SPPL2B: variants seen among roughly 807,000 people sequenced by gnomAD.
SPPL2B encodes signal peptide peptidase like 2B, also known as signal peptide peptidase-like 2B.
SPPL2B carries 39 observed loss-of-function variants against 59.7 expected under a neutral mutation model. The ratio of observed to expected loss-of-function variants is 0.65; its 90% CI spans 0.51 to 0.85. The LOEUF is 0.85. Among genes scored for constraint, SPPL2B ranks in the 40% least tolerant of loss-of-function variants. The pLI, the probability that SPPL2B is intolerant of heterozygous loss-of-function variation, is 0.00. For missense variants in SPPL2B, 865 were observed against 849.0 expected (o/e 1.02, Z -0.23); for synonymous variants, 419 against 370.8 (o/e 1.13, Z -1.49).
chr19:2,332,487 G>A lies in SPPL2B; in HGVS notation c.67-2115G>A, dbSNP rs1241465842. The stretch of plus-strand genomic sequence containing the variant: ...GTTGTGGTGTCGGCCCGTTTGGTGC[G>A]CAGCTCAGCATCCGTTCAGACATGT... On this transcript the variant is annotated intron_variant, in intron 1 of 14. Coordinates refer to ENST00000613503, the MANE Select transcript of SPPL2B (RefSeq NM_152988.3). This position sits in a 1 kb window ranked among gnomAD's most constrained non-coding sequence, Gnocchi z 4.6. Among the ~76,000 whole-genome samples, 1 of 152,192 alleles carries A rather than the reference G, an allele frequency of 6.6e-6. No homozygotes were observed. The highest frequency in any genetic ancestry group is 1.5e-5 in the Non-Finnish European group (1 of 68,034).
intron 3 of SPPL2B, chr19:2,338,399 CAG>C: frequency 5.5e-6 from 1 of 181,752 alleles, no homozygotes; most frequent in South Asian, 1.5e-4. Flanking sequence ...GAGAGGCCCT[CAG>C]TGGGTGCGGG....
chr19:2,347,893 C>G (rs1969554970), intron 13 of SPPL2B, among the ~76,000 whole-genome samples: 3 of 39,186 alleles, frequency 7.7e-5, no homozygotes, highest in Non-Finnish European at 1.3e-4. Context: ...TCTCCACACA[C>G]ACTCACGCAC....
In SPPL2B at chr19:2,339,178, G is replaced by A; in HGVS notation, c.569G>A (p.Gly190Asp). 1.9e-6 allele frequency: 3 copies of A among 1,604,952 alleles called. No homozygotes were observed. The highest frequency in any genetic ancestry group is 2.6e-6 in the Non-Finnish European group (3 of 1,176,012). Reference protein sequence around the residue: ...IMAVGTVAIGGYWAGSRDVKK... With the variant: ...IMAVGTVAIGDYWAGSRDVKK... ...GCTGTGGGCACCGTCGCCATCGGCG[G>A]CTACTGGGCCGGGAGTCGGGACGTG... Residue 190 changes from glycine (G) to aspartate (D), a missense_variant, in exon 5 of 15, where the codon GGC becomes GAC. Transcript: ENST00000613503.
chr19:2,353,134 T>C lies in SPPL2B; in HGVS notation c.1704T>C (p.Pro568=). ...EMGAGAPMRE[P]GSPAESEGRD... is the part of the protein sequence containing the mutation. The stretch of plus-strand genomic sequence containing the variant: ...GGGCTGGAGCCCCCATGCGGGAGCC[T>C]GGGAGCCCAGCTGAATCCGAGGGCC... The change falls in exon 15 of 15, where the codon CCT becomes CCC. Residue 568 remains proline, a synonymous_variant. Transcript: ENST00000613503. 6.2e-7 allele frequency: 1 copy of C among 1,610,582 alleles called. No individual in the cohort carries two copies. The highest frequency in any genetic ancestry group is 8.5e-7 in the Non-Finnish European group (1 of 1,179,192).
At chr19:2,335,257 C>A (rs1247278020) in intron 2 of SPPL2B, among the ~76,000 whole-genome samples, 4 of 142,888 alleles carry the variant, frequency 2.8e-5, no homozygotes, top group Admixed American at 2.1e-4. Context: ...CCACTGCATC[C>A]TTCAGGCCCC....
intron 1 of SPPL2B, among the ~76,000 whole-genome samples, chr19:2,333,144 G>C (rs1235249633): frequency 1.0e-5 from 1 of 97,484 alleles, no homozygotes; most frequent in Non-Finnish European, 2.0e-5. Flanking sequence ...GGCTCTGCTG[G>C]GAGGGGGAGC....
chr19:2,331,664 C>T (rs996366760), intron 1 of SPPL2B, among the ~76,000 whole-genome samples: 1 of 152,152 alleles, frequency 6.6e-6, no homozygotes, highest in African/African-American at 2.4e-5. Context: ...TAGAGAGAAG[C>T]AGAGAAGCAG....
intron 2 of SPPL2B, among the ~76,000 whole-genome samples, chr19:2,335,844 G>A (rs1338198883): frequency 6.6e-6 from 1 of 152,260 alleles, no homozygotes; most frequent in Admixed American, 6.5e-5. Flanking sequence ...CTTCCTGTCA[G>A]CTTTATGCAT....
intron 13 of SPPL2B, among the ~76,000 whole-genome samples, chr19:2,348,657 T>G (rs1260802891): frequency 3.3e-5 from 4 of 121,088 alleles, no homozygotes; most frequent in Non-Finnish European, 6.7e-5. Context: ...CTTGATTCCG[T>G]TCTCTCTCCA....
At chr19:2,346,732 A>G (rs7249727) in intron 13 of SPPL2B, among the ~76,000 whole-genome samples, 116,025 of 152,160 alleles carry the variant, frequency 0.76, 45,078 homozygotes, top group African/African-American at 0.87. Flanking sequence ...CTCTCCTGAA[A>G]CATAACTTGT....
At chr19:2,344,476 C>T (rs56260718) in intron 11 of SPPL2B, 52 bp downstream of exon 11, 16,928 of 1,565,764 alleles carry the variant, frequency 0.011, 149 homozygotes, top group Middle Eastern at 0.042. Context: ...AGGTGTTGCG[C>T]GGAGCGGATA....
intron 3 of SPPL2B, 167 bp from the exon 4 acceptor site, chr19:2,338,585 T>C: frequency 1.7e-6 from 1 of 573,036 alleles, no homozygotes; most frequent in Non-Finnish European, 3.1e-6. Context: ...TCTTGGGTCC[T>C]CCTGGGGGGC....
intron 13 of SPPL2B, among the ~76,000 whole-genome samples, chr19:2,346,453 T>C (rs1402012516): frequency 6.6e-6 from 1 of 152,188 alleles, no homozygotes; most frequent in Non-Finnish European, 1.5e-5. Flanking sequence ...ATTGCTTGAG[T>C]CCAGGAGTTC....
chr19:2,343,219 G>T lies in SPPL2B; in HGVS notation c.965G>T (p.Trp322Leu). ...GVFRNEDQWA[W>L]VLQDALGIAF... ...GCTGCTTTGTCTTGCAGGTGGGCCT[G>T]GGTCCTCCAGGATGCCCTGGGCATC... is the stretch of plus-strand genomic sequence containing the variant. Residue 322 changes from tryptophan (W) to leucine (L), a missense_variant, in exon 9 of 15, where the codon TGG becomes TTG. Transcript: ENST00000613503. 6.4e-7 allele frequency: 1 copy of T among 1,554,704 alleles called. No individual in the cohort carries two copies. Among genetic ancestry groups the T allele is most frequent in the African/African-American group, 1.4e-5 (1 of 73,444 alleles).
At chr19:2,352,305 G>T (rs1273117010) in intron 14 of SPPL2B, among the ~76,000 whole-genome samples, 1 of 152,116 alleles carries the variant, frequency 6.6e-6, no homozygotes, top group Non-Finnish European at 1.5e-5. Context: ...ACCGCCCAGG[G>T]AGCAGCCCTG....
chr19:2,352,747 G>A (rs886177770), intron 14 of SPPL2B, among the ~76,000 whole-genome samples, 199 bp from the exon 15 acceptor site: 1 of 152,154 alleles, frequency 6.6e-6, no homozygotes, highest in African/African-American at 2.4e-5. Flanking sequence ...GCCCTCCCGC[G>A]GCACCTGTGC....
chr19:2,341,928 T>G (rs910421074), intron 8 of SPPL2B: 6 of 215,418 alleles, frequency 2.8e-5, no homozygotes, highest in Non-Finnish European at 5.7e-5. Context: ...AGACGCCCTA[T>G]TTAAGAAATA....
chr19:2,351,537 C>T lies in SPPL2B; in HGVS notation c.1458C>T (p.Cys486=), dbSNP rs556060361. The part of the protein sequence containing the change: ...YLVPCTLVTS[C]AVALWRRELG... ...TGCCCTGCACGCTGGTGACGAGCTG[C>T]GCTGTGGCGCTCTGGCGCCGGGAGC... The change falls in exon 14 of 15, where the codon TGC becomes TGT. Residue 486 remains cysteine, a synonymous_variant. Transcript: ENST00000613503. 121 of 1,611,326 alleles carry T rather than the reference C, an allele frequency of 7.5e-5. No homozygotes were observed. Among genetic ancestry groups the T allele is most frequent in the African/African-American group, 3.7e-4 (28 of 75,068 alleles).
rs538146670 is a variant in SPPL2B, at chr19:2,328,713, G to T, written c.4G>T (p.Ala2Ser). The change falls in exon 1 of 15, where the codon GCG becomes TCG. Residue 2 changes from alanine (A) to serine (S), a missense_variant. By Grantham distance (99) the Ala-to-Ser change is moderately conservative. Transcript: ENST00000613503. Reference protein sequence around the residue: MAAAVAAALARL... With the variant: MSAAVAAALARL... Reference sequence around the variant, plus strand: ...GTTGCGGCGGGCACCGGCCGACATGGCGGCAGCGGTGGCGGCTGCGCTGGC... The same window carrying T: ...GTTGCGGCGGGCACCGGCCGACATGTCGGCAGCGGTGGCGGCTGCGCTGGC... The T allele has an allele frequency of 2.6e-4, 373 of 1,445,138 alleles. No homozygotes were observed. The African/African-American group carries it at 5.0e-3, about 20-fold the overall frequency. 89.5% of individuals were successfully genotyped at this position (1,445,138 alleles called of 1,614,324 possible).
Sources: allele counts gnomAD v4.1 joint callset (sites outside exome capture counted in the v4.1 genomes callset), GRCh38; gene constraint gnomAD v4.1.1; non-coding constraint Gnocchi (gnomAD v3.1); transcripts MANE v1.5; gene names NCBI Gene and HGNC (gene_info 2026-07-23, HGNC 2026-07-21).